Variants in P2RY11 observed in about 807,000 individuals in gnomAD.
P2RY11 encodes the protein purinergic receptor P2Y11.
In P2RY11, 3 loss-of-function variants were observed where a neutral mutation model predicts 2.4. The observed-to-expected ratio is 1.22, with a 90% CI of 0.56 to 3.17. The LOEUF (loss-of-function observed/expected upper bound fraction) is 3.17. Among genes scored for constraint, P2RY11 ranks in the 30% most tolerant of loss-of-function variants. P2RY11 has a pLI of 0.03. For synonymous variants in P2RY11, 307 were observed against 237.3 expected (o/e 1.29, Z -2.70); for missense variants, 670 against 528.2 (o/e 1.27, Z -2.63).
Position 10,114,904 on chromosome 19 carries a change from A to G in P2RY11, c.*166A>G, listed in dbSNP as rs903275735. 41 of 1,391,750 alleles carry G rather than the reference A, an allele frequency of 2.9e-5. No homozygotes were observed. Among genetic ancestry groups the G allele is most frequent in the African/African-American group, 8.6e-5 (6 of 69,788 alleles). 86.2% of individuals were successfully genotyped at this position (1,391,750 alleles called of 1,614,324 possible). ...AGGAGCAGTCGCCTTTCCCACCCAC[A>G]GCGCTGGCCACAGGGCTCCCTGCAG... On this transcript the variant is annotated 3_prime_UTR_variant, in exon 2 of 2. Coordinates refer to ENST00000321826, the MANE Select transcript of P2RY11 (RefSeq NM_002566.5).
chr19:10,115,042 T>G lies in P2RY11; in HGVS notation c.*304T>G. The stretch of plus-strand genomic sequence containing the variant: ...AGAGAGTGGAGCTGCTTTATTGCCC[T>G]TGGAGCCCGCGCTCTCGGAGGCTGT... On this transcript the variant is annotated 3_prime_UTR_variant, in exon 2 of 2. Coordinates refer to ENST00000321826, the MANE Select transcript of P2RY11 (RefSeq NM_002566.5). The G allele has an allele frequency of 6.2e-7, 1 of 1,603,518 alleles. No homozygotes were observed. The highest frequency in any genetic ancestry group is 1.1e-5 in the South Asian group (1 of 89,862).
In P2RY11 at chr19:10,113,855, C is replaced by T. The variant is rs144883297; in HGVS notation, c.242C>T (p.Thr81Met). The change falls in exon 2 of 2, where the codon ACG becomes ATG. Residue 81 changes from threonine (T) to methionine (M), a missense_variant. Physicochemically the swap from Thr to Met is moderately conservative, Grantham distance 81. Coordinates refer to ENST00000321826, the MANE Select transcript of P2RY11 (RefSeq NM_002566.5). ...LAVSDLLCAL[T>M]LPPLAAYLYP... ...GTCAGCGACCTGCTCTGCGCCCTGACGCTGCCCCCGCTGGCCGCCTACCTC... is the reference window on the plus strand; with the variant it reads ...GTCAGCGACCTGCTCTGCGCCCTGATGCTGCCCCCGCTGGCCGCCTACCTC... 9.4e-5 allele frequency: 151 copies of T among 1,611,684 alleles called. No individual in the cohort carries two copies. The Admixed American group carries it at 1.5e-3, about 16-fold the overall frequency.
intron 1 of P2RY11, chr19:10,112,186 G>A (rs112647895): frequency 0.13 from 23,183 of 178,952 alleles, 1,859 homozygotes; most frequent in East Asian, 0.36. Context: ...GCTGAGGCAG[G>A]GGGATCACTT....
rs367572789 is a variant in P2RY11, at chr19:10,113,520, G to A, written c.20-113G>A. The A allele has an allele frequency of 1.5e-4, 226 of 1,467,652 alleles. No homozygotes were observed. The African/African-American group carries it at 2.8e-3, about 18-fold the overall frequency. The allele number at this position is 1,467,652 out of a possible 1,614,324, so 90.9% of individuals were successfully genotyped here. ...GTGGAGCCCGGTCCCCCTCCAGGGA[G>A]GGGAAAGAACTCGTGTCCAGGGATC... On this transcript the variant is annotated intron_variant, in intron 1 of 1. Coordinates refer to ENST00000321826, the MANE Select transcript of P2RY11 (RefSeq NM_002566.5).
In P2RY11 at chr19:10,114,765, A is replaced by T. The variant is rs780129521; in HGVS notation, c.*27A>T. 1 of 1,567,304 alleles carries T rather than the reference A, an allele frequency of 6.4e-7. No homozygotes were observed. The highest frequency in any genetic ancestry group is 2.3e-5 in the East Asian group (1 of 44,262). ...GTGGCCTAGCGGAAGCTGCCTCCTC[A>T]CCCTAGGTGTTGCTGGAGAACCCTG... On this transcript the variant is annotated 3_prime_UTR_variant, in exon 2 of 2. Coordinates refer to ENST00000321826, the MANE Select transcript of P2RY11 (RefSeq NM_002566.5).
In P2RY11 at chr19:10,113,502, C is replaced by T. The variant is rs770465929; in HGVS notation, c.20-131C>T. The T allele has an allele frequency of 9.3e-4, 1,269 of 1,359,252 alleles. 1 individual carries two copies. The highest frequency in any genetic ancestry group is 1.1e-3 in the Non-Finnish European group (1,067 of 1,011,020). The allele number at this position is 1,359,252 out of a possible 1,614,324, so 84.2% of individuals were successfully genotyped here. On this transcript the variant is annotated intron_variant, in intron 1 of 1. Transcript: ENST00000321826. Reference sequence around the variant, plus strand: ...TCCTGTCCACATAAAGGAGTGGAGCCCGGTCCCCCTCCAGGGAGGGGAAAG... The same window carrying T: ...TCCTGTCCACATAAAGGAGTGGAGCTCGGTCCCCCTCCAGGGAGGGGAAAG...
chr19:10,113,632 G>A lies in P2RY11; in HGVS notation c.20-1G>A, dbSNP rs2089166360. 1 of 1,606,910 alleles carries A rather than the reference G, an allele frequency of 6.2e-7. No individual in the cohort carries two copies. The highest frequency in any genetic ancestry group is 8.5e-7 in the Non-Finnish European group (1 of 1,174,390). ...CAGCTGGTGACACCTTCTGCCCACA[G>A]GTGCCAAGTCCTGCCCTGCCAACTT... On this transcript the variant is annotated splice_acceptor_variant, in intron 1 of 1. Transcript: ENST00000321826. LOFTEE classifies it high-confidence loss of function.
Position 10,114,670 on chromosome 19 carries a change from GCC to G in P2RY11, c.1059_1060del (p.Leu354AlafsTer9). The G allele has an allele frequency of 6.2e-7, 1 of 1,613,866 alleles. No individual in the cohort carries two copies. The highest frequency in any genetic ancestry group is 1.1e-5 in the South Asian group (1 of 91,074). On this transcript the variant is annotated frameshift_variant, in exon 2 of 2. Transcript: ENST00000321826. LOFTEE classifies it low-confidence loss of function (END_TRUNC). ...NPEDAKSTGQ[A>X]LPLNATAAPK... ...AGAGGACGCCAAGAGCACTGGCCAAGCCCTGCCCCTCAATGCCACAGCCGCCC... is the reference window on the plus strand; with the variant it reads ...AGAGGACGCCAAGAGCACTGGCCAAGCTGCCCCTCAATGCCACAGCCGCCC...
Position 10,114,884 on chromosome 19 carries a change from C to A in P2RY11, c.*146C>A. ...GGCCCAGCTGCAGCCCAGGCAGGAG[C>A]AGTCGCCTTTCCCACCCACAGCGCT... On this transcript the variant is annotated 3_prime_UTR_variant, in exon 2 of 2. Coordinates refer to ENST00000321826, the MANE Select transcript of P2RY11 (RefSeq NM_002566.5). The A allele has an allele frequency of 7.0e-7, 1 of 1,428,930 alleles. No individual in the cohort carries two copies. Among genetic ancestry groups the A allele is most frequent in the South Asian group, 1.4e-5 (1 of 73,042 alleles). The allele number at this position is 1,428,930 out of a possible 1,614,324, so 88.5% of individuals were successfully genotyped here.
chr19:10,113,557 A>G, intron 1 of P2RY11, 76 bp from the exon 2 acceptor site: 1 of 1,532,074 alleles, frequency 6.5e-7, no homozygotes, highest in Non-Finnish European at 8.8e-7. Context: ...ACGCCATGGC[A>G]GACGTGGGCT....
In P2RY11 at chr19:10,114,212, C is replaced by A. The variant is rs776636114; in HGVS notation, c.599C>A (p.Ala200Glu). The change falls in exon 2 of 2, where the codon GCG (alanine) becomes GAG (glutamate). Residue 200 changes from alanine to glutamate, a missense_variant. Physicochemically the swap from Ala to Glu is moderately radical, Grantham distance 107 (BLOSUM62 -1). Transcript: ENST00000321826. Reference sequence around the variant, plus strand: ...CTGGGGACAGCAGACCACGGGCTGGCGGCCTACAGAGCGTATAGCCTGGTG... The same window carrying A: ...CTGGGGACAGCAGACCACGGGCTGGAGGCCTACAGAGCGTATAGCCTGGTG... Reference protein sequence around the residue: ...KCLGTADHGLAAYRAYSLVLA... With the variant: ...KCLGTADHGLEAYRAYSLVLA... The A allele has an allele frequency of 1.9e-6, 3 of 1,600,032 alleles. No homozygotes were observed. Among genetic ancestry groups the A allele is most frequent in the Non-Finnish European group, 2.5e-6 (3 of 1,179,468 alleles).
At position 10,113,839 on chromosome 19, in the gene P2RY11, C is replaced by G. The variant is rs371955614; in HGVS notation, c.226C>G (p.Leu76Val). 11 of 1,613,498 alleles carry G rather than the reference C, an allele frequency of 6.8e-6. No homozygotes were observed. Among genetic ancestry groups the G allele is most frequent in the Non-Finnish European group, 7.6e-6 (9 of 1,179,818 alleles). The change falls in exon 2 of 2, where the codon CTG (leucine) becomes GTG (valine). Residue 76 changes from leucine (L) to valine (V), a missense_variant. By Grantham distance (32) the Leu-to-Val change is conservative. Transcript: ENST00000321826. ...VFSVQLAVSD[L>V]LCALTLPPLA... ...CTCTGTCCAGCTGGCAGTCAGCGAC[C>G]TGCTCTGCGCCCTGACGCTGCCCCC...
rs1012067406 is a variant in P2RY11 at position 10,114,014 on chromosome 19, CCTT to C, written c.406_408del (p.Phe136del). ...AACCGCTACCTGGGCATCGTGCACCCCTTCTTCGCCCGAAGCCACCTGCGACCC... is the reference window on the plus strand; with the variant it reads ...AACCGCTACCTGGGCATCGTGCACCCCTTCGCCCGAAGCCACCTGCGACCC... On this transcript the variant is annotated inframe_deletion, in exon 2 of 2. Coordinates refer to ENST00000321826, the MANE Select transcript of P2RY11 (RefSeq NM_002566.5). The C allele has an allele frequency of 3.1e-6, 5 of 1,601,244 alleles. No homozygotes were observed. The highest frequency in any genetic ancestry group is 1.3e-5 in the African/African-American group (1 of 74,914).
chr19:10,113,865 G>A lies in P2RY11; in HGVS notation c.252G>A (p.Pro84=), dbSNP rs200950283. 62 of 1,610,968 alleles carry A rather than the reference G, an allele frequency of 3.8e-5. No individual in the cohort carries two copies. The highest frequency in any genetic ancestry group is 3.1e-4 in the South Asian group (28 of 91,042). Reference sequence around the variant, plus strand: ...TGCTCTGCGCCCTGACGCTGCCCCCGCTGGCCGCCTACCTCTATCCCCCCA... The same window carrying A: ...TGCTCTGCGCCCTGACGCTGCCCCCACTGGCCGCCTACCTCTATCCCCCCA... ...SDLLCALTLP[P]LAAYLYPPKH... Residue 84 remains proline (P), a synonymous_variant, in exon 2 of 2, where the codon CCG becomes CCA. Transcript: ENST00000321826.
Position 10,114,851 on chromosome 19 carries a change from C to T in P2RY11, c.*113C>T, listed in dbSNP as rs772692019. On this transcript the variant is annotated 3_prime_UTR_variant, in exon 2 of 2. Transcript: ENST00000321826. The stretch of plus-strand genomic sequence containing the variant: ...CAAAAAGCAACACCTGTGCTTGCAG[C>T]CAGGTCAGGCCCAGCTGCAGCCCAG... The T allele has an allele frequency of 1.3e-5, 19 of 1,475,868 alleles. No homozygotes were observed. Among genetic ancestry groups the T allele is most frequent in the Non-Finnish European group, 1.7e-5 (19 of 1,111,640 alleles). The allele number at this position is 1,475,868 out of a possible 1,614,324, so 91.4% of individuals were successfully genotyped here. A position where few individuals can be genotyped will look rare whatever the true frequency, so the allele number is the denominator to read the frequency against.
chr19:10,115,019 A>T lies in P2RY11; in HGVS notation c.*281A>T. On this transcript the variant is annotated 3_prime_UTR_variant, in exon 2 of 2. Coordinates refer to ENST00000321826, the MANE Select transcript of P2RY11 (RefSeq NM_002566.5). ...CAAGAACAAAAAGAACCAAGTAGAG[A>T]GAGTGGAGCTGCTTTATTGCCCTTG... 1 of 1,565,510 alleles carries T rather than the reference A, an allele frequency of 6.4e-7. No individual in the cohort carries two copies. Among genetic ancestry groups the T allele is most frequent in the Non-Finnish European group, 8.7e-7 (1 of 1,145,116 alleles).
In P2RY11 at chr19:10,113,932, T is replaced by G. The variant is rs758393138; in HGVS notation, c.319T>G (p.Phe107Val). 1.2e-6 allele frequency: 2 copies of G among 1,603,312 alleles called. No homozygotes were observed. Among genetic ancestry groups the G allele is most frequent in the East Asian group, 4.5e-5 (2 of 44,876 alleles). ...YGEAACRLER[F>V]LFTCNLLGSV... ...GGAGGCCGCGTGCCGCCTGGAGCGC[T>G]TCCTCTTCACCTGCAACCTGCTGGG... The change falls in exon 2 of 2, where the codon TTC becomes GTC. Residue 107 changes from phenylalanine (F) to valine (V), a missense_variant. Coordinates refer to ENST00000321826, the MANE Select transcript of P2RY11 (RefSeq NM_002566.5).
Position 10,115,048 on chromosome 19 carries a change from CCCGCGCTCTCGGAGG to C in P2RY11, c.*312_*326del. ...TGGAGCTGCTTTATTGCCCTTGGAGCCCGCGCTCTCGGAGGCTGTCTTCTGTCGCCAAGGGTCCCG... is the reference window on the plus strand; with the variant it reads ...TGGAGCTGCTTTATTGCCCTTGGAGCCTGTCTTCTGTCGCCAAGGGTCCCG... On this transcript the variant is annotated 3_prime_UTR_variant, in exon 2 of 2. Coordinates refer to ENST00000321826, the MANE Select transcript of P2RY11 (RefSeq NM_002566.5). 6.2e-7 allele frequency: 1 copy of C among 1,607,200 alleles called. No homozygotes were observed. The highest frequency in any genetic ancestry group is 1.7e-4 in the Middle Eastern group (1 of 6,056).
chr19:10,113,843 TCTGCGCC>T lies in P2RY11; in HGVS notation c.234_240del (p.Cys78Ter). On this transcript the variant is annotated frameshift_variant, in exon 2 of 2. Transcript: ENST00000321826. LOFTEE classifies it low-confidence loss of function (END_TRUNC). Reference sequence around the variant, plus strand: ...GTCCAGCTGGCAGTCAGCGACCTGCTCTGCGCCCTGACGCTGCCCCCGCTGGCCGCCT... The same window carrying T: ...GTCCAGCTGGCAGTCAGCGACCTGCTCTGACGCTGCCCCCGCTGGCCGCCT... 6.2e-7 allele frequency: 1 copy of T among 1,613,360 alleles called. No individual in the cohort carries two copies. Among genetic ancestry groups the T allele is most frequent in the Non-Finnish European group, 8.5e-7 (1 of 1,179,766 alleles).
Sources: allele counts gnomAD v4.1 joint callset, GRCh38; gene constraint gnomAD v4.1.1; transcripts MANE v1.5; gene names NCBI Gene and HGNC (gene_info 2026-07-23, HGNC 2026-07-21).